ARHGAP6: variants seen among roughly 807,000 people sequenced by gnomAD.
The protein encoded by ARHGAP6 is rho GTPase-activating protein 6.
ARHGAP6 carries 16 observed loss-of-function variants against 55.7 expected under a neutral mutation model. The ratio of observed to expected loss-of-function variants is 0.29; its 90% CI spans 0.19 to 0.44. The LOEUF is 0.44. ARHGAP6 is among the 20% of genes least tolerant of loss of function. The pLI, the probability that ARHGAP6 is intolerant of heterozygous loss-of-function variation, is 1.00. For missense variants in ARHGAP6, 698 were observed against 808.9 expected (o/e 0.86, Z 1.66); for synonymous variants, 382 against 360.9 (o/e 1.06, Z -0.66).
At chrX:11,195,755 T>G (rs2046526179) in intron 3 of ARHGAP6, among the ~76,000 whole-genome samples, 1 of 108,347 alleles carries the variant, frequency 9.2e-6, no homozygotes, top group Admixed American at 1.0e-4. Flanking sequence ...CAACAAACTC[T>G]TGCAACACAC....
intron 1 of ARHGAP6, among the ~76,000 whole-genome samples, chrX:11,632,988 A>G (rs957008359): frequency 6.3e-5 from 7 of 111,824 alleles, no homozygotes; most frequent in African/African-American, 2.3e-4. Context: ...CCTTTGCCTC[A>G]TGGTGGAACA....
At chrX:11,548,299 C>G (rs999565624) in intron 1 of ARHGAP6, among the ~76,000 whole-genome samples, 1 of 111,656 alleles carries the variant, frequency 9.0e-6, no homozygotes, top group Non-Finnish European at 1.9e-5. Flanking sequence ...TTGACATATA[C>G]AATAAGTTAT....
intron 6 of ARHGAP6, among the ~76,000 whole-genome samples, chrX:11,180,145 A>G (rs1048247054): frequency 9.0e-6 from 1 of 111,588 alleles, no homozygotes; most frequent in Non-Finnish European, 1.9e-5. Context: ...AATTACCAGA[A>G]GGATTCCCTG....
chrX:11,429,605 T>C (rs2049922477), intron 1 of ARHGAP6, among the ~76,000 whole-genome samples: 1 of 112,493 alleles, frequency 8.9e-6, no homozygotes, highest in African/African-American at 3.2e-5. Flanking sequence ...TCAATTGAAC[T>C]ATTTGCCCAA....
intron 1 of ARHGAP6, among the ~76,000 whole-genome samples, chrX:11,529,140 C>T (rs1285258288): frequency 1.8e-5 from 2 of 111,582 alleles, no homozygotes; most frequent in Admixed American, 1.9e-4. Flanking sequence ...ATGTCTGGAA[C>T]ATAGTAAGTG....
chrX:11,287,521 C>A (rs750831060), intron 1 of ARHGAP6, among the ~76,000 whole-genome samples: 3 of 112,153 alleles, frequency 2.7e-5, no homozygotes, highest in African/African-American at 9.7e-5. Context: ...CCCTAGCAAG[C>A]AAGGACAGTG....
chrX:11,258,032 A>C lies in ARHGAP6; in HGVS notation c.589-3325T>G, dbSNP rs778747889. 3.6e-5 allele frequency among the ~76,000 whole-genome samples: 4 copies of C among 111,354 alleles called. No individual in the cohort carries two copies. In the East Asian group the frequency reaches 1.1e-3, roughly 32 times the overall value. On this transcript the variant is annotated intron_variant, in intron 1 of 12. Transcript: ENST00000337414. ...GTGAAGCCAAGCAGAAGTCAGGGCC[A>C]GATTCTGTAGGGCTGTCTCTGTTGG... is the stretch of plus-strand genomic sequence containing the variant.
At chrX:11,646,923 T>C (rs1305449300) in intron 1 of ARHGAP6, among the ~76,000 whole-genome samples, 1 of 112,305 alleles carries the variant, frequency 8.9e-6, no homozygotes, top group Non-Finnish European at 1.9e-5. Flanking sequence ...TATATTTGTC[T>C]TCCAAAATAT....
At chrX:11,274,443 C>T (rs774807843) in intron 1 of ARHGAP6, among the ~76,000 whole-genome samples, 135 of 111,212 alleles carry the variant, frequency 1.2e-3, no homozygotes, top group Admixed American at 3.7e-3. Context: ...CAGTATGATC[C>T]GCAACACCTA....
intron 1 of ARHGAP6, among the ~76,000 whole-genome samples, chrX:11,617,167 T>C (rs917577343): frequency 4.5e-5 from 5 of 112,205 alleles, no homozygotes; most frequent in Non-Finnish European, 9.4e-5. Flanking sequence ...AATAGCTCAT[T>C]GATATTTTTA....
In ARHGAP6 at chrX:11,551,699, T is replaced by C. The variant is rs762102589; in HGVS notation, c.588+112542A>G. Among the ~76,000 whole-genome samples the C allele has an allele frequency of 3.6e-5, 4 of 111,719 alleles. No homozygotes were observed. In the South Asian group the frequency reaches 1.5e-3, roughly 42 times the overall value. On this transcript the variant is annotated intron_variant, in intron 1 of 12. Coordinates refer to ENST00000337414, the MANE Select transcript of ARHGAP6 (RefSeq NM_013427.3). ...CAATATGTCTGGTGTCCTTGTGAAA[T>C]AGGGAAGTTTGGACAGACAGAGAGA...
chrX:11,336,618 G>A (rs2048640891), intron 1 of ARHGAP6, among the ~76,000 whole-genome samples: 1 of 112,062 alleles, frequency 8.9e-6, no homozygotes, highest in African/African-American at 3.2e-5. Context: ...GCCTTCCAAT[G>A]TCCACATCTC....
intron 1 of ARHGAP6, among the ~76,000 whole-genome samples, chrX:11,477,129 C>A (rs945202097): frequency 1.2e-4 from 12 of 103,426 alleles, no homozygotes; most frequent in African/African-American, 4.2e-4. Flanking sequence ...CAAAAATTGA[C>A]AATTTTTCAG....
intron 1 of ARHGAP6, among the ~76,000 whole-genome samples, chrX:11,469,390 T>C (rs1305783972): frequency 1.8e-5 from 2 of 112,610 alleles, no homozygotes; most frequent in Non-Finnish European, 3.8e-5. Context: ...ACGTATTCTG[T>C]ACTGTTTTAA....
At chrX:11,622,826 A>AT (rs920812600) in intron 1 of ARHGAP6, among the ~76,000 whole-genome samples, 1 of 111,727 alleles carries the variant, frequency 9.0e-6, no homozygotes, top group African/African-American at 3.3e-5. Flanking sequence ...AACATTTTGT[A>AT]TTTTTTTAAT....
chrX:11,155,925 A>G (rs2045857297), intron 10 of ARHGAP6, among the ~76,000 whole-genome samples: 1 of 112,607 alleles, frequency 8.9e-6, no homozygotes, highest in Non-Finnish European at 1.9e-5. Flanking sequence ...TGGGAGCAAA[A>G]ATGGCAGCAA....
rs2050656004 is a variant in ARHGAP6, at chrX:11,499,550, T to C, written c.588+164691A>G. 2.7e-5 allele frequency among the ~76,000 whole-genome samples: 3 copies of C among 112,263 alleles called. No individual in the cohort carries two copies. The South Asian group carries it at 1.1e-3, about 42-fold the overall frequency. ...CATTCCCCTCTGGGGCCTCCAGGAC[T>C]TAAAGATCCTCTCAATAGTCTTCTT... On this transcript the variant is annotated intron_variant, in intron 1 of 12. Coordinates refer to ENST00000337414, the MANE Select transcript of ARHGAP6 (RefSeq NM_013427.3).
intron 1 of ARHGAP6, among the ~76,000 whole-genome samples, chrX:11,547,841 T>C (rs1254007041): frequency 1.8e-5 from 2 of 112,016 alleles, no homozygotes; most frequent in Admixed American, 1.9e-4. Context: ...AAATACCCCC[T>C]AAGGAATACC....
chrX:11,198,762 G>A lies in ARHGAP6; in HGVS notation c.749-1766C>T, dbSNP rs768152420. On this transcript the variant is annotated intron_variant, in intron 2 of 12. Transcript: ENST00000337414. ...TAAAACTTATGTATTCTATGTAGATGTGTATAAATACAAATGTTCTGTCTA... is the reference window on the plus strand; with the variant it reads ...TAAAACTTATGTATTCTATGTAGATATGTATAAATACAAATGTTCTGTCTA... Among the ~76,000 whole-genome samples, 51 of 112,205 alleles carry A rather than the reference G, an allele frequency of 4.5e-4. No homozygotes were observed. The Middle Eastern group carries it at 0.014, about 31-fold the overall frequency.
Sources: gnomAD v4.1 joint callset for allele counts (sites outside exome capture counted in the v4.1 genomes callset) on GRCh38, gnomAD v4.1.1 for gene constraint, MANE v1.5 for transcripts, NCBI Gene and HGNC (gene_info 2026-07-23, HGNC 2026-07-21) for gene names.